The following TFDP1 variants were observed in gnomAD, a reference collection of about 807,000 sequenced individuals.
TFDP1 encodes DRTF1-polypeptide 1.
A neutral mutation model predicts 48.0 loss-of-function variants in TFDP1; 6 were observed. The observed-to-expected ratio is 0.13, with a 90% CI of 0.07 to 0.25. The LOEUF (loss-of-function observed/expected upper bound fraction) is 0.25. Among genes scored for constraint, TFDP1 ranks in the 10% least tolerant of loss-of-function variants. TFDP1 has a pLI of 1.00. For synonymous variants in TFDP1, 201 were observed against 211.6 expected (o/e 0.95, Z 0.44); for missense variants, 335 against 543.0 (o/e 0.62, Z 3.81).
At chr13:113,638,582 C>T (rs1481090909) in intron 11 of TFDP1, among the ~76,000 whole-genome samples, 1 of 152,260 alleles carries the variant, frequency 6.6e-6, no homozygotes, top group East Asian at 1.9e-4. Flanking sequence ...TCTGTGGTCA[C>T]AGCACACATA....
intron 5 of TFDP1, 128 bp from the exon 6 acceptor site, chr13:113,632,992 T>C: frequency 8.6e-7 from 1 of 1,161,112 alleles, no homozygotes; most frequent in East Asian, 2.6e-5. Flanking sequence ...GTGTTGGATC[T>C]GCTGCGCCCG....
At chr13:113,605,287 C>T (rs1473140321) in intron 2 of TFDP1, among the ~76,000 whole-genome samples, 1 of 152,054 alleles carries the variant, frequency 6.6e-6, no homozygotes, top group Non-Finnish European at 1.5e-5. Context: ...AGTGATCTTT[C>T]CGTGCGGAAC....
chr13:113,631,930 C>T (rs985851262), intron 5 of TFDP1, 186 bp downstream of exon 5: 13 of 783,056 alleles, frequency 1.7e-5, no homozygotes, highest in Non-Finnish European at 2.3e-5. Context: ...CGCACTGCCT[C>T]GGTCATGGAG....
intron 5 of TFDP1, 152 bp downstream of exon 5, chr13:113,631,896 G>A: frequency 8.9e-7 from 1 of 1,124,062 alleles, no homozygotes; most frequent in South Asian, 1.6e-5. Flanking sequence ...CATCATCGTG[G>A]CCTGCACAGG....
At chr13:113,611,406 C>T (rs993332558) in intron 3 of TFDP1, among the ~76,000 whole-genome samples, 5 of 152,254 alleles carry the variant, frequency 3.3e-5, no homozygotes, top group Admixed American at 3.3e-4. Context: ...CTTCCAGAGG[C>T]CGGCCTCACC....
intron 3 of TFDP1, among the ~76,000 whole-genome samples, chr13:113,614,140 ATGTGCG>A (rs1262377712): frequency 1.4e-5 from 2 of 142,192 alleles, no homozygotes; most frequent in Admixed American, 1.4e-4. Flanking sequence ...ATGGAGTGTT[ATGTGCG>A]TGTGCATGTG....
At chr13:113,589,986 A>G (rs552402752) in intron 2 of TFDP1, among the ~76,000 whole-genome samples, 2 of 152,236 alleles carry the variant, frequency 1.3e-5, no homozygotes, top group Non-Finnish European at 2.9e-5. Flanking sequence ...CAGATGATGA[A>G]TTCATCAAAC....
At chr13:113,636,760 G>T (rs994097186) in intron 10 of TFDP1, 60 bp downstream of exon 10, 3 of 1,566,308 alleles carry the variant, frequency 1.9e-6, no homozygotes, top group African/African-American at 1.4e-5. Context: ...AGCCTCCGAC[G>T]GTGCCCTCCC....
chr13:113,613,976 CAT>C (rs1320065632), intron 3 of TFDP1, among the ~76,000 whole-genome samples: 1 of 148,558 alleles, frequency 6.7e-6, no homozygotes, highest in Non-Finnish European at 1.5e-5. Flanking sequence ...ATATGGAGTG[CAT>C]GTGTTGTGAG....
intron 8 of TFDP1, among the ~76,000 whole-genome samples, chr13:113,635,661 G>C (rs890327973): frequency 6.6e-6 from 1 of 152,192 alleles, no homozygotes; most frequent in Non-Finnish European, 1.5e-5. Flanking sequence ...GGTCTTAGAG[G>C]GGTGAAGGAC....
chr13:113,615,828 C>T (rs1212793638), intron 3 of TFDP1, among the ~76,000 whole-genome samples: 2 of 152,118 alleles, frequency 1.3e-5, no homozygotes, highest in Admixed American at 6.6e-5. Flanking sequence ...AGGAGGATCG[C>T]TTGAGCCTGG....
At chr13:113,604,698 C>T (rs191193331) in intron 2 of TFDP1, among the ~76,000 whole-genome samples, 17 of 152,278 alleles carry the variant, frequency 1.1e-4, no homozygotes, top group African/African-American at 1.9e-4. Context: ...ACAGCCAGCC[C>T]GGGACCTGCC....
chr13:113,629,324 C>T (rs1333912085), intron 4 of TFDP1, among the ~76,000 whole-genome samples: 1 of 152,218 alleles, frequency 6.6e-6, no homozygotes, highest in Non-Finnish European at 1.5e-5. Flanking sequence ...GGCTCGTTCT[C>T]AGGGTGCCCC....
Position 113,611,079 on chromosome 13 carries a change from T to C in TFDP1, c.79+17T>C. On this transcript the variant is annotated intron_variant, in intron 3 of 11. Transcript: ENST00000375370. ...CCGGGAAAGGTAAGGGCACCTGTTCTGGACACACTCTTGTGTTGATGAATG... is the reference window on the plus strand; with the variant it reads ...CCGGGAAAGGTAAGGGCACCTGTTCCGGACACACTCTTGTGTTGATGAATG... 6.2e-7 allele frequency: 1 copy of C among 1,609,296 alleles called. No homozygotes were observed. The highest frequency in any genetic ancestry group is 1.3e-5 in the African/African-American group (1 of 74,956).
intron 3 of TFDP1, among the ~76,000 whole-genome samples, chr13:113,620,334 C>T (rs571260042): frequency 2.6e-5 from 4 of 152,214 alleles, no homozygotes; most frequent in Admixed American, 6.5e-5. Flanking sequence ...TGCTGGTGGA[C>T]GGGCGCCGTG....
At chr13:113,603,927 G>A (rs183548764) in intron 2 of TFDP1, among the ~76,000 whole-genome samples, 26 of 152,208 alleles carry the variant, frequency 1.7e-4, no homozygotes, top group African/African-American at 6.0e-4. Context: ...TAGGCCAGGC[G>A]TGGTAGCTTA....
At chr13:113,609,141 C>CA (rs1199252124) in intron 2 of TFDP1, among the ~76,000 whole-genome samples, 1 of 152,258 alleles carries the variant, frequency 6.6e-6, no homozygotes, top group Non-Finnish European at 1.5e-5. Context: ...GTGGTGGCCT[C>CA]AGAGCGCCTC....
chr13:113,638,214 G>T (rs761278576), intron 11 of TFDP1, among the ~76,000 whole-genome samples: 9 of 152,128 alleles, frequency 5.9e-5, no homozygotes, highest in African/African-American at 2.2e-4. Context: ...GTATTTCCAG[G>T]TTTTTTTTCC....
chr13:113,607,554 C>T lies in TFDP1; in HGVS notation c.13-3442C>T, dbSNP rs1594450858. 1.3e-5 allele frequency among the ~76,000 whole-genome samples: 2 copies of T among 152,230 alleles called. No individual in the cohort carries two copies. Among genetic ancestry groups the T allele is most frequent in the African/African-American group, 2.4e-5 (1 of 41,450 alleles). On this transcript the variant is annotated intron_variant, in intron 2 of 11. Transcript: ENST00000375370. The surrounding 1 kb of genome is among the most constrained non-coding windows in gnomAD (Gnocchi z 5.2). Reference sequence around the variant, plus strand: ...GTCCTTGTTCTCTCCTCATTGCTGCCGTCACTGTGTGCTGCGCATGCCCTG... The same window carrying T: ...GTCCTTGTTCTCTCCTCATTGCTGCTGTCACTGTGTGCTGCGCATGCCCTG...
Sources: gnomAD v4.1 joint callset for allele counts (sites outside exome capture counted in the v4.1 genomes callset) on GRCh38, gnomAD v4.1.1 for gene constraint, Gnocchi (gnomAD v3.1) non-coding constraint, MANE v1.5 for transcripts, NCBI Gene and HGNC (gene_info 2026-07-23, HGNC 2026-07-21) for gene names.